The following HTR2A variants were observed in gnomAD, a reference collection of about 807,000 sequenced individuals.
HTR2A encodes the protein 5-HT2 receptor.
Under a neutral mutation model 31.0 loss-of-function variants are expected in HTR2A, and 14 were observed. That is an observed-to-expected ratio of 0.45 (90% CI 0.30 to 0.71). The LOEUF (loss-of-function observed/expected upper bound fraction) is 0.71. Among genes scored for constraint, HTR2A ranks in the 30% least tolerant of loss-of-function variants. The probability of loss-of-function intolerance (pLI) is 0.09; values close to 1 mark genes in which losing one functional copy is unlikely to be tolerated. For synonymous variants in HTR2A, 209 were observed against 225.2 expected, an observed-to-expected ratio of 0.93 and a Z score of 0.64; for missense variants, 442 against 573.3, an observed-to-expected ratio of 0.77 and a Z score of 2.34.
At chr13:46,843,939 A>G (rs1474685311) in intron 3 of HTR2A, among the ~76,000 whole-genome samples, 1 of 152,152 alleles carries the variant, frequency 6.6e-6, no homozygotes. Flanking sequence ...TCATGTTTCC[A>G]AACCACACCC....
chr13:46,858,501 A>G (rs1950756224), intron 3 of HTR2A, among the ~76,000 whole-genome samples: 1 of 152,188 alleles, frequency 6.6e-6, no homozygotes, highest in Non-Finnish European at 1.5e-5. Flanking sequence ...GTCATGTTTT[A>G]TGCCTAAGGA....
chr13:46,880,372 G>A (rs1461517845), intron 3 of HTR2A, among the ~76,000 whole-genome samples: 1 of 152,212 alleles, frequency 6.6e-6, no homozygotes, highest in African/African-American at 2.4e-5. Context: ...CGCAGCCCAA[G>A]GGCAGAGGGT....
At chr13:46,869,538 TA>T (rs1950848191) in intron 3 of HTR2A, among the ~76,000 whole-genome samples, 1 of 152,032 alleles carries the variant, frequency 6.6e-6, no homozygotes, top group Non-Finnish European at 1.5e-5. Flanking sequence ...AAGTTAAAGA[TA>T]GAACTATCAT....
rs904262086 is a variant in HTR2A at position 46,896,842 on chromosome 13, T to C, written c.-497A>G. The C allele has an allele frequency of 5.9e-6, 9 of 1,536,570 alleles. No homozygotes were observed. The African/African-American group carries it at 1.1e-4, about 19-fold the overall frequency. On this transcript the variant is annotated 5_prime_UTR_variant, in exon 1 of 4. Coordinates refer to ENST00000542664, the MANE Select transcript of HTR2A (RefSeq NM_000621.5). ...GACTTCAAAAACTGCATGCAAGAGC[T>C]GAGCCAGCTCCCGCACTGCTAGGAT...
At chr13:46,885,553 C>A (rs1950999619) in intron 3 of HTR2A, among the ~76,000 whole-genome samples, 1 of 152,186 alleles carries the variant, frequency 6.6e-6, no homozygotes, top group Admixed American at 6.5e-5. Flanking sequence ...CTTTCCATTT[C>A]TTTCTGAAGA....
chr13:46,896,328 G>T, intron 1 of HTR2A, 94 bp from the exon 2 acceptor site: 1 of 686,548 alleles, frequency 1.5e-6, no homozygotes, highest in Non-Finnish European at 1.9e-6. Flanking sequence ...TTTAGCAACA[G>T]TATTATTAAA....
intron 3 of HTR2A, among the ~76,000 whole-genome samples, chr13:46,869,086 C>A (rs1051311452): frequency 3.3e-5 from 5 of 151,948 alleles, no homozygotes; most frequent in African/African-American, 9.7e-5. Context: ...ATAGATAAAC[C>A]GGACTTCGTC....
At position 46,896,196 on chromosome 13, in the gene HTR2A, T is replaced by C; in HGVS notation, c.-290A>G. 4 of 1,170,366 alleles carry C rather than the reference T, an allele frequency of 3.4e-6. No individual in the cohort carries two copies. The highest frequency in any genetic ancestry group is 3.2e-6 in the Non-Finnish European group (3 of 949,798). 72.5% of individuals were successfully genotyped at this position (1,170,366 alleles called of 1,614,324 possible). A position where few individuals can be genotyped will look rare whatever the true frequency, so the allele number is the denominator to read the frequency against. On this transcript the variant is annotated 5_prime_UTR_variant, in exon 2 of 4. Transcript: ENST00000542664. ...GCAGAATGAACTTTTAGCATAGAGG[T>C]TGCAGGGTTTTTTTTGAGCGCTCGG...
chr13:46,849,525 C>A (rs1566303251), intron 3 of HTR2A, among the ~76,000 whole-genome samples: 1 of 152,182 alleles, frequency 6.6e-6, no homozygotes, highest in Non-Finnish European at 1.5e-5. Context: ...CTTCTCACTC[C>A]CTTCCTTTCT....
intron 3 of HTR2A, among the ~76,000 whole-genome samples, chr13:46,889,801 G>A (rs1443988683): frequency 6.6e-6 from 1 of 152,134 alleles, no homozygotes; most frequent in Non-Finnish European, 1.5e-5. Flanking sequence ...AACACTAGAA[G>A]AAAACTCAAG....
At chr13:46,857,192 C>G (rs550368149) in intron 3 of HTR2A, among the ~76,000 whole-genome samples, 1 of 151,690 alleles carries the variant, frequency 6.6e-6, no homozygotes, top group Admixed American at 6.6e-5. Flanking sequence ...CCCAGCTACT[C>G]AGGAGGCTAG....
chr13:46,878,282 G>A (rs956252623), intron 3 of HTR2A, among the ~76,000 whole-genome samples: 2 of 152,168 alleles, frequency 1.3e-5, no homozygotes, highest in African/African-American at 4.8e-5. Context: ...CCACTCAACT[G>A]CTTGCATGTG....
At position 46,867,326 on chromosome 13, in the gene HTR2A, T is replaced by C. The variant is rs145003298; in HGVS notation, c.613+25064A>G. Among the ~76,000 whole-genome samples, 788 of 152,348 alleles carry C rather than the reference T, an allele frequency of 5.2e-3. 7 individuals carry two copies. Among genetic ancestry groups the C allele is most frequent in the African/African-American group, 0.018 (756 of 41,582 alleles). Reference sequence around the variant, plus strand: ...CAAATACTTACTTACATTTAAAGGCTGACGCTGACTGATTTCCTTCATCAT... The same window carrying C: ...CAAATACTTACTTACATTTAAAGGCCGACGCTGACTGATTTCCTTCATCAT... On this transcript the variant is annotated intron_variant, in intron 3 of 3. Transcript: ENST00000542664.
chr13:46,844,221 T>C (rs1242461341), intron 3 of HTR2A, among the ~76,000 whole-genome samples: 1 of 152,352 alleles, frequency 6.6e-6, no homozygotes, highest in South Asian at 2.1e-4. Context: ...TGCTTCTGCT[T>C]ATACTTAGAG....
intron 3 of HTR2A, among the ~76,000 whole-genome samples, chr13:46,836,194 A>G (rs1266406000): frequency 6.6e-6 from 1 of 151,966 alleles, no homozygotes; most frequent in African/African-American, 2.4e-5. Flanking sequence ...CTTTTTTAAA[A>G]AATCTAATAA....
At chr13:46,864,603 C>T (rs2760346) in intron 3 of HTR2A, among the ~76,000 whole-genome samples, 127,627 of 152,180 alleles carry the variant, frequency 0.84, 54,447 homozygotes, top group East Asian at 0.97. Context: ...GAGGATCCTC[C>T]TCCTCCAACT....
rs1252372433 is a variant in HTR2A at position 46,896,211 on chromosome 13, TGAGCGC to T, written c.-311_-306del. On this transcript the variant is annotated 5_prime_UTR_variant, in exon 2 of 4. Coordinates refer to ENST00000542664, the MANE Select transcript of HTR2A (RefSeq NM_000621.5). ...AGCATAGAGGTTGCAGGGTTTTTTT[TGAGCGC>T]TCGGGAAGATAAATGTCCTGGACAA... 4 of 1,154,874 alleles carry T rather than the reference TGAGCGC, an allele frequency of 3.5e-6. No homozygotes were observed. Among genetic ancestry groups the T allele is most frequent in the Admixed American group, 4.3e-5 (1 of 23,258 alleles). 71.5% of individuals were successfully genotyped at this position (1,154,874 alleles called of 1,614,324 possible). A position where few individuals can be genotyped will look rare whatever the true frequency, so the allele number is the denominator to read the frequency against.
rs1475647627 is a variant in HTR2A at position 46,896,097 on chromosome 13, T to C, written c.-191A>G. The C allele has an allele frequency of 7.5e-7, 1 of 1,325,658 alleles. No homozygotes were observed. The highest frequency in any genetic ancestry group is 9.6e-7 in the Non-Finnish European group (1 of 1,044,624). The allele number at this position is 1,325,658 out of a possible 1,614,324, so 82.1% of individuals were successfully genotyped here. A position where few individuals can be genotyped will look rare whatever the true frequency, so the allele number is the denominator to read the frequency against. On this transcript the variant is annotated 5_prime_UTR_variant, in exon 2 of 4. Coordinates refer to ENST00000542664, the MANE Select transcript of HTR2A (RefSeq NM_000621.5). ...AGAACTGAACTGTGGTGGCTGTAAG[T>C]TTTCTTCATTCACAATTTTAGGAGA...
Position 46,835,130 on chromosome 13 carries a change from C to G in HTR2A, c.1123G>C (p.Val375Leu). ...AACAGTGTGTAGACTAGTGGGTTGA[C>G]TGCTGAAGAGAGATAACCGATCCAA... The part of the protein sequence containing the change: ...FVWIGYLSSA[V>L]NPLVYTLFNK... Residue 375 changes from valine (V) to leucine (L), a missense_variant, in exon 4 of 4, where the codon GTC becomes CTC. Val to Leu is a conservative substitution (Grantham distance 32). Transcript: ENST00000542664. 1 of 1,614,060 alleles carries G rather than the reference C, an allele frequency of 6.2e-7. No individual in the cohort carries two copies. Among genetic ancestry groups the G allele is most frequent in the Non-Finnish European group, 8.5e-7 (1 of 1,179,992 alleles).
Sources: gnomAD v4.1 joint callset for allele counts (sites outside exome capture counted in the v4.1 genomes callset) on GRCh38, gnomAD v4.1.1 for gene constraint, MANE v1.5 for transcripts, NCBI Gene and HGNC (gene_info 2026-07-23, HGNC 2026-07-21) for gene names.